Variants in EPS8L3 observed in about 807,000 individuals in gnomAD.
EPS8L3 encodes the protein EPS8 signaling adaptor L3.
A neutral mutation model predicts 88.5 loss-of-function variants in EPS8L3; 80 were observed. The observed-to-expected ratio is 0.90, with a 90% CI of 0.75 to 1.09. The LOEUF is 1.09. EPS8L3 is among the 50% of genes least tolerant of loss of function. The probability of loss-of-function intolerance (pLI) is 0.00; values close to 1 mark genes in which losing one functional copy is unlikely to be tolerated. For synonymous variants in EPS8L3, 286 were observed against 291.0 expected (o/e 0.98, Z 0.18); for missense variants, 721 against 735.2 (o/e 0.98, Z 0.22).
chr1:109,750,851 G>A (rs889813807), intron 17 of EPS8L3, 59 bp from the exon 18 acceptor site: 31 of 1,602,110 alleles, frequency 1.9e-5, no homozygotes, highest in Middle Eastern at 1.7e-4. Flanking sequence ...GGGCCTGAGC[G>A]TTTGGGCAGA....
At position 109,751,662 on chromosome 1, in the gene EPS8L3, G is replaced by T; in HGVS notation, c.1555C>A (p.Pro519Thr). 1.2e-6 allele frequency: 2 copies of T among 1,614,064 alleles called. No homozygotes were observed. The highest frequency in any genetic ancestry group is 1.7e-6 in the Non-Finnish European group (2 of 1,180,014). Reference protein sequence around the residue: ...PGTPGTQGQSPSRVPMLRLSS... With the variant: ...PGTPGTQGQSTSRVPMLRLSS... ...TCCAGGCTGGGTAGTACCCGAGAGG[G>T]TGACTGGCCCTGGGTCCCAGGGGTC... The change falls in exon 16 of 19, where the codon CCC (proline) becomes ACC (threonine). Residue 519 changes from proline (P) to threonine (T), a missense_variant. By Grantham distance (38) the Pro-to-Thr change is conservative (BLOSUM62 -1). Transcript: ENST00000361965.
At chr1:109,763,585 C>G (rs547530680) in intron 1 of EPS8L3, among the ~76,000 whole-genome samples, 1 of 152,152 alleles carries the variant, frequency 6.6e-6, no homozygotes, top group African/African-American at 2.4e-5. Context: ...AGGCCATCAC[C>G]TCATAGACCC....
At chr1:109,762,790 T>C (rs963289518) in intron 1 of EPS8L3, among the ~76,000 whole-genome samples, 1 of 152,214 alleles carries the variant, frequency 6.6e-6, no homozygotes, top group African/African-American at 2.4e-5. Context: ...AAATGAACGT[T>C]TAATAGAGAG....
At chr1:109,750,517 C>T in intron 18 of EPS8L3, 115 bp from the exon 19 acceptor site, 16 of 1,581,790 alleles carry the variant, frequency 1.0e-5, no homozygotes, top group Non-Finnish European at 1.4e-5. Flanking sequence ...AGCTAAGCCC[C>T]TGGGGGAATA....
chr1:109,760,946 C>G lies in EPS8L3; in HGVS notation c.96+549G>C, dbSNP rs760451709. On this transcript the variant is annotated intron_variant, in intron 3 of 18. Transcript: ENST00000361965. ...TCTTGCAGTGCCTGCATCATCCTCC[C>G]TGGTAGAGCCAGAGACTCCATTCTA... Among the ~76,000 whole-genome samples the G allele has an allele frequency of 9.9e-5, 15 of 152,122 alleles. 1 individual carries two copies. The highest frequency in any genetic ancestry group is 1.8e-4 in the Non-Finnish European group (12 of 68,040).
At chr1:109,755,655 A>G (rs1304693821) in intron 12 of EPS8L3, among the ~76,000 whole-genome samples, 2 of 152,098 alleles carry the variant, frequency 1.3e-5, no homozygotes, top group Non-Finnish European at 2.9e-5. Context: ...AAAAATACAA[A>G]AAATAGCCAG....
intron 11 of EPS8L3, 47 bp from the exon 12 acceptor site, chr1:109,757,212 C>T: frequency 1.3e-6 from 2 of 1,538,666 alleles, no homozygotes; most frequent in Non-Finnish European, 1.8e-6. Flanking sequence ...TCCCACAGGG[C>T]CCAGTGAGGG....
chr1:109,757,214 C>T (rs760955139), intron 11 of EPS8L3, 49 bp from the exon 12 acceptor site: 1 of 1,534,780 alleles, frequency 6.5e-7, no homozygotes, highest in Non-Finnish European at 8.8e-7. Context: ...CCACAGGGCC[C>T]AGTGAGGGTG....
At chr1:109,756,021 C>T (rs1650251667) in intron 12 of EPS8L3, among the ~76,000 whole-genome samples, 1 of 152,232 alleles carries the variant, frequency 6.6e-6, no homozygotes, top group Admixed American at 6.5e-5. Flanking sequence ...GCCCTTGCCT[C>T]TTCTTTCATG....
rs1190993690 is a variant in EPS8L3 at position 109,761,850 on chromosome 1, G to A, written c.-24-77C>T. The A allele has an allele frequency of 8.9e-6, 12 of 1,341,792 alleles. No individual in the cohort carries two copies. The East Asian group carries it at 2.3e-4, about 26-fold the overall frequency. 83.1% of individuals were successfully genotyped at this position (1,341,792 alleles called of 1,614,324 possible). ...CCAGGCACAGCAGGGCAGGACAGTTGCTATTGCTCTGACTGGGGGCCTCTG... is the reference window on the plus strand; with the variant it reads ...CCAGGCACAGCAGGGCAGGACAGTTACTATTGCTCTGACTGGGGGCCTCTG... On this transcript the variant is annotated intron_variant, in intron 1 of 18. Coordinates refer to ENST00000361965, the MANE Select transcript of EPS8L3 (RefSeq NM_133181.4).
At position 109,752,030 on chromosome 1, in the gene EPS8L3, G is replaced by A. The variant is rs759149795; in HGVS notation, c.1399C>T (p.Arg467Trp). The A allele has an allele frequency of 4.5e-5, 73 of 1,613,240 alleles. No individual in the cohort carries two copies. Among genetic ancestry groups the A allele is most frequent in the African/African-American group, 2.1e-4 (16 of 74,992 alleles). The change falls in exon 15 of 19, where the codon CGG (arginine) becomes TGG (tryptophan). Residue 467 changes from arginine to tryptophan, a missense_variant. Physicochemically the swap from Arg to Trp is moderately radical, Grantham distance 101. Coordinates refer to ENST00000361965, the MANE Select transcript of EPS8L3 (RefSeq NM_133181.4). ...VLYEFEARNP[R>W]ELTVVQGEKL... ...TCTCCCTGGACCACAGTCAGTTCCCGTGGGTTCCTAGCTTCAAACTCGTAC... is the reference window on the plus strand; with the variant it reads ...TCTCCCTGGACCACAGTCAGTTCCCATGGGTTCCTAGCTTCAAACTCGTAC...
At position 109,758,638 on chromosome 1, in the gene EPS8L3, C is replaced by T. The variant is rs6693815; in HGVS notation, c.487G>A (p.Gly163Ser). 376,006 of 1,601,874 alleles carry T rather than the reference C, an allele frequency of 0.23. 51,772 individuals are homozygous for T. Among genetic ancestry groups the T allele is most frequent in the African/African-American group, 0.64 (47,982 of 74,534 alleles). The change falls in exon 7 of 19, where the codon GGC (glycine) becomes AGC (serine). Residue 163 changes from glycine to serine, a missense_variant. Coordinates refer to ENST00000361965, the MANE Select transcript of EPS8L3 (RefSeq NM_133181.4). ...GCAGGCCCCCTCCATCTGTCCTGGC[C>T]TGGCTGAAGGCCTCCAAGTCGAGGT... The part of the protein sequence containing the change: ...QRPRLGGLQP[G>S]QDRWRGPAME...
Position 109,751,723 on chromosome 1 carries a change from G to A in EPS8L3, c.1494C>T (p.Tyr498=), listed in dbSNP as rs755689401. 2 of 1,613,856 alleles carry A rather than the reference G, an allele frequency of 1.2e-6. No homozygotes were observed. Among genetic ancestry groups the A allele is most frequent in the Non-Finnish European group, 1.7e-6 (2 of 1,179,996 alleles). The change falls in exon 16 of 19, where the codon TAC becomes TAT. Residue 498 remains tyrosine (Y), a synonymous_variant. Coordinates refer to ENST00000361965, the MANE Select transcript of EPS8L3 (RefSeq NM_133181.4). ...GGGGCTCCAGGATGTTGCTTGGAAT[G>A]TAGCCGCTCCGTCCCGCCTCATTCT... ...LVKNEAGRSG[Y]IPSNILEPLQ...
intron 16 of EPS8L3, 27 bp downstream of exon 16, chr1:109,751,627 C>T: frequency 6.2e-7 from 1 of 1,613,934 alleles, no homozygotes; most frequent in Non-Finnish European, 8.5e-7. Flanking sequence ...AGACTTAGGG[C>T]TCTGGATAGT....
At chr1:109,750,605 C>T in intron 18 of EPS8L3, 55 bp downstream of exon 18, 4 of 1,611,248 alleles carry the variant, frequency 2.5e-6, no homozygotes, top group African/African-American at 1.3e-5. Flanking sequence ...CCCTCTCTCT[C>T]ACCCAGGAGC....
At chr1:109,752,598 T>C in intron 14 of EPS8L3, 88 bp downstream of exon 14, 1 of 1,277,948 alleles carries the variant, frequency 7.8e-7, no homozygotes, top group East Asian at 2.5e-5. Flanking sequence ...CTTGGCTCTC[T>C]TAAGATGTAG....
At chr1:109,753,415 C>T (rs1299530153) in intron 12 of EPS8L3, among the ~76,000 whole-genome samples, 3 of 152,178 alleles carry the variant, frequency 2.0e-5, no homozygotes, top group Non-Finnish European at 2.9e-5. Flanking sequence ...GTCTGGGGGT[C>T]AACCTCACCT....
rs564240700 is a variant in EPS8L3 at position 109,759,489 on chromosome 1, A to T, written c.256-102T>A. 2.8e-5 allele frequency: 44 copies of T among 1,544,720 alleles called. No homozygotes were observed. The highest frequency in any genetic ancestry group is 1.7e-5 in the Non-Finnish European group (19 of 1,142,040). On this transcript the variant is annotated intron_variant, in intron 4 of 18. Coordinates refer to ENST00000361965, the MANE Select transcript of EPS8L3 (RefSeq NM_133181.4). This position sits in a 1 kb window ranked among gnomAD's most constrained non-coding sequence, Gnocchi z 4.2. ...CTAGCCCTTTGGTGGCCTAGGGCTGAGGTGTCATCTACCTGACTCTTGTGC... is the reference window on the plus strand; with the variant it reads ...CTAGCCCTTTGGTGGCCTAGGGCTGTGGTGTCATCTACCTGACTCTTGTGC...
chr1:109,760,746 C>T (rs1174004489), intron 3 of EPS8L3, among the ~76,000 whole-genome samples: 5 of 152,068 alleles, frequency 3.3e-5, no homozygotes, highest in Non-Finnish European at 7.4e-5. Context: ...TGCAGACCAT[C>T]GCCCCAGCTC....
Sources: allele counts gnomAD v4.1 joint callset (sites outside exome capture counted in the v4.1 genomes callset), GRCh38; gene constraint gnomAD v4.1.1; non-coding constraint Gnocchi (gnomAD v3.1); transcripts MANE v1.5; gene names NCBI Gene and HGNC (gene_info 2026-07-23, HGNC 2026-07-21).